SNX25: variants seen among roughly 807,000 people sequenced by gnomAD.
SNX25 encodes the protein sorting nexin 25, also known as sorting nexin-25.
In SNX25, 62 loss-of-function variants were observed where a neutral mutation model predicts 113.7. The ratio of observed to expected loss-of-function variants is 0.55; its 90% confidence interval spans 0.44 to 0.67. The LOEUF (loss-of-function observed/expected upper bound fraction) is 0.67. Among genes scored for constraint, SNX25 ranks in the 30% least tolerant of loss-of-function variants. The pLI, the probability that SNX25 is intolerant of heterozygous loss-of-function variation, is 0.00. For missense variants in SNX25, 1,014 were observed against 1,161.0 expected, an observed-to-expected ratio of 0.87 and a Z score of 1.84; for synonymous variants, 421 against 436.2, an observed-to-expected ratio of 0.97 and a Z score of 0.43.
intron 1 of SNX25, among the ~76,000 whole-genome samples, chr4:185,239,202 C>T (rs1333839148): frequency 6.6e-6 from 1 of 152,112 alleles, no homozygotes; most frequent in Non-Finnish European, 1.5e-5. Flanking sequence ...AAGTTTTCTG[C>T]CAGGCGCGGT....
At chr4:185,220,102 A>G (rs917065427) in intron 1 of SNX25, among the ~76,000 whole-genome samples, 2 of 152,056 alleles carry the variant, frequency 1.3e-5, no homozygotes, top group Admixed American at 1.3e-4. Flanking sequence ...CCCTGTCTAT[A>G]TTGAGGACTT....
downstream of SNX25, chr4:185,374,132 T>TA: frequency 6.2e-7 from 1 of 1,611,184 alleles, no homozygotes. Flanking sequence ...GAGGGAACGT[T>TA]ACCTTTTCTA....
At chr4:185,251,668 T>C (rs958749862) in intron 2 of SNX25, among the ~76,000 whole-genome samples, 1 of 151,778 alleles carries the variant, frequency 6.6e-6, no homozygotes, top group African/African-American at 2.4e-5. Context: ...CACTCATCAG[T>C]GGACACTCGG....
intron 14 of SNX25, among the ~76,000 whole-genome samples, chr4:185,352,276 C>T (rs2095319431): frequency 6.6e-6 from 1 of 152,178 alleles, no homozygotes; most frequent in South Asian, 2.1e-4. Context: ...TTGCACAGGA[C>T]CAGCTCTGAA....
At chr4:185,372,837 AACAG>A (rs1356742595), downstream of SNX25, 41 of 1,570,584 alleles carry the variant, frequency 2.6e-5, no homozygotes, top group Non-Finnish European at 3.5e-5. Context: ...AGCAGCACAG[AACAG>A]ACAAAGACAT....
chr4:185,259,129 A>G (rs1746875237), intron 3 of SNX25, 65 bp downstream of exon 3: 1 of 1,399,378 alleles, frequency 7.1e-7, no homozygotes, highest in Non-Finnish European at 1.0e-6. Flanking sequence ...TAAAAGGTCA[A>G]AGTCAAGATA....
At position 185,319,513 on chromosome 4, in the gene SNX25, CT is replaced by C. The variant is rs61536964; in HGVS notation, c.1345-1206del. ...CACAGCTGGCCTGGGAAAGTCCATT[CT>C]TTTTTTTTTTTTTATCACTTTTCCC... On this transcript the variant is annotated intron_variant, in intron 7 of 18. Transcript: ENST00000652585. Among the ~76,000 whole-genome samples, 1,338 of 142,838 alleles carry C rather than the reference CT, an allele frequency of 9.4e-3. 16 individuals carry two copies. The highest frequency in any genetic ancestry group is 0.03 in the African/African-American group (1,180 of 39,032). 93.7% of individuals were successfully genotyped at this position (142,838 alleles called of 152,430 possible). A position where few individuals can be genotyped will look rare whatever the true frequency, so the allele number is the denominator to read the frequency against.
At chr4:185,326,008 T>C (rs984861963) in intron 9 of SNX25, among the ~76,000 whole-genome samples, 2 of 152,232 alleles carry the variant, frequency 1.3e-5, no homozygotes, top group African/African-American at 2.4e-5. Context: ...AAACAGATTC[T>C]TATTGCACTT....
chr4:185,220,502 A>G lies in SNX25; in HGVS notation c.429+10247A>G, dbSNP rs1483632746. 1.6e-4 allele frequency among the ~76,000 whole-genome samples: 8 copies of G among 48,590 alleles called. No homozygotes were observed. In the East Asian group the frequency reaches 6.3e-3, roughly 38 times the overall value. The allele number at this position is 48,590 out of a possible 152,430, so 31.9% of individuals were successfully genotyped here. A position where few individuals can be genotyped will look rare whatever the true frequency, so the allele number is the denominator to read the frequency against. Reference sequence around the variant, plus strand: ...TGAGTCCCTTTTTTTTTTTTTTTTGAGATGGAGTCTCGCTCTGTCACCCAG... The same window carrying G: ...TGAGTCCCTTTTTTTTTTTTTTTTGGGATGGAGTCTCGCTCTGTCACCCAG... On this transcript the variant is annotated intron_variant, in intron 1 of 18. Transcript: ENST00000652585.
chr4:185,356,904 T>G (rs1270642947), intron 15 of SNX25, among the ~76,000 whole-genome samples: 1 of 152,256 alleles, frequency 6.6e-6, no homozygotes, highest in South Asian at 2.1e-4. Context: ...CTTCTGTTGG[T>G]TTATGTTCAG....
chr4:185,317,094 C>T (rs1305218024), intron 7 of SNX25, among the ~76,000 whole-genome samples: 3 of 151,986 alleles, frequency 2.0e-5, no homozygotes, highest in African/African-American at 7.3e-5. Flanking sequence ...GTCTAATATC[C>T]AGAATCTACA....
chr4:185,238,062 C>CAAAAAAAAAA (rs10635995), intron 1 of SNX25, among the ~76,000 whole-genome samples: 1 of 87,942 alleles, frequency 1.1e-5, no homozygotes, highest in Non-Finnish European at 2.2e-5. Context: ...GACTCCATCT[C>CAAAAAAAAAA]AAAAAAAAAA....
At position 185,336,904 on chromosome 4, in the gene SNX25, G is replaced by A. The variant is rs917450471; in HGVS notation, c.1915-2475G>A. On this transcript the variant is annotated intron_variant, in intron 10 of 18. Coordinates refer to ENST00000652585, the MANE Select transcript of SNX25 (RefSeq NM_001378034.2). The stretch of plus-strand genomic sequence containing the variant: ...TTGTGGTTTTGATTTGCATTTCCCT[G>A]ATGATTAGTGATGTTGAGCATTTTT... 5.9e-5 allele frequency among the ~76,000 whole-genome samples: 9 copies of A among 152,132 alleles called. No individual in the cohort carries two copies. In the South Asian group the frequency reaches 8.3e-4, roughly 14 times the overall value.
intron 15 of SNX25, among the ~76,000 whole-genome samples, chr4:185,356,763 G>A (rs773471708): frequency 6.6e-6 from 1 of 152,200 alleles, no homozygotes; most frequent in Admixed American, 6.5e-5. Context: ...CATTATGACT[G>A]AGTCTGAATT....
intron 6 of SNX25, among the ~76,000 whole-genome samples, chr4:185,296,344 A>G (rs1752836346): frequency 6.6e-6 from 1 of 152,130 alleles, no homozygotes; most frequent in Admixed American, 6.6e-5. Flanking sequence ...TACTTTGTAT[A>G]TTTAGGACAG....
At chr4:185,289,647 G>C (rs1012446610) in intron 6 of SNX25, among the ~76,000 whole-genome samples, 2 of 152,184 alleles carry the variant, frequency 1.3e-5, no homozygotes, top group African/African-American at 2.4e-5. Context: ...GACTTGATCT[G>C]ATGAATTCCT....
At chr4:185,357,792 G>C (rs2095345558) in intron 16 of SNX25, 55 bp downstream of exon 16, 2 of 1,400,734 alleles carry the variant, frequency 1.4e-6, no homozygotes, top group Non-Finnish European at 2.0e-6. Context: ...TGCCTTGACA[G>C]TCAAATTACC....
At chr4:185,349,267 G>C (rs1579889207) in intron 13 of SNX25, among the ~76,000 whole-genome samples, 1 of 152,288 alleles carries the variant, frequency 6.6e-6, no homozygotes, top group Middle Eastern at 3.4e-3. Context: ...CTGTGGGTTG[G>C]ACAAGCTTGA....
At chr4:185,343,631 T>A (rs2095271013) in intron 12 of SNX25, among the ~76,000 whole-genome samples, 1 of 152,242 alleles carries the variant, frequency 6.6e-6, no homozygotes, top group South Asian at 2.1e-4. Context: ...TTATTCTTCC[T>A]ACTTTTCCTC....
Sources: gnomAD v4.1 joint callset for allele counts (sites outside exome capture counted in the v4.1 genomes callset) on GRCh38, gnomAD v4.1.1 for gene constraint, MANE v1.5 for transcripts, NCBI Gene and HGNC (gene_info 2026-07-23, HGNC 2026-07-21) for gene names.